Variants in RALGPS1 observed in about 807,000 individuals in gnomAD.
The protein encoded by RALGPS1 is Ral GEF with PH domain and SH3 binding motif 1, also known as ras-specific guanine nucleotide-releasing factor RalGPS1.
In RALGPS1, 19 loss-of-function variants were observed where a neutral mutation model predicts 78.8. The observed-to-expected ratio is 0.24, with a 90% CI of 0.17 to 0.35. The LOEUF (loss-of-function observed/expected upper bound fraction) is 0.35. Among genes scored for constraint, RALGPS1 ranks in the 10% least tolerant of loss-of-function variants. The pLI, the probability that RALGPS1 is intolerant of heterozygous loss-of-function variation, is 1.00. For synonymous variants in RALGPS1, 228 were observed against 256.3 expected (o/e 0.89, Z 1.06); for missense variants, 454 against 688.3 (o/e 0.66, Z 3.81).
intron 8 of RALGPS1, among the ~76,000 whole-genome samples, chr9:127,101,196 A>G (rs2053688689): frequency 6.6e-6 from 1 of 152,224 alleles, no homozygotes; most frequent in East Asian, 1.9e-4. Context: ...ATGATCATGT[A>G]TCTAGAGCCT....
At chr9:126,940,771 T>C (rs1361618885) in intron 1 of RALGPS1, among the ~76,000 whole-genome samples, 4 of 152,170 alleles carry the variant, frequency 2.6e-5, no homozygotes, top group East Asian at 3.9e-4. Flanking sequence ...ATTGAGTAGT[T>C]AGGTGATTGG....
intron 11 of RALGPS1, among the ~76,000 whole-genome samples, chr9:127,186,741 C>T (rs899722290): frequency 7.9e-5 from 12 of 152,212 alleles, no homozygotes; most frequent in African/African-American, 2.7e-4. Flanking sequence ...TGAAACGGTG[C>T]CCAGGGAGGC....
chr9:126,961,405 A>T (rs1413675465), intron 1 of RALGPS1, among the ~76,000 whole-genome samples: 1 of 152,202 alleles, frequency 6.6e-6, no homozygotes, highest in Non-Finnish European at 1.5e-5. Flanking sequence ...GGCATATGGT[A>T]CTATATGGGG....
intron 4 of RALGPS1, among the ~76,000 whole-genome samples, chr9:127,002,224 G>C (rs116736820): frequency 6.6e-6 from 1 of 152,050 alleles, no homozygotes; most frequent in Non-Finnish European, 1.5e-5. Context: ...CATAAAATAC[G>C]TACATTTTGT....
intron 5 of RALGPS1, among the ~76,000 whole-genome samples, chr9:127,042,645 C>T (rs1395964450): frequency 6.6e-6 from 1 of 152,188 alleles, no homozygotes; most frequent in Non-Finnish European, 1.5e-5. Flanking sequence ...TTCTGTACAA[C>T]ATCTTACTGC....
intron 18 of RALGPS1, chr9:127,216,929 A>G: frequency 1.3e-6 from 2 of 1,547,886 alleles, no homozygotes; most frequent in Non-Finnish European, 1.7e-6. Flanking sequence ...CTCCAGGTCC[A>G]ACAGGAACTG....
At chr9:127,088,720 A>C in intron 8 of RALGPS1, 2 of 597,896 alleles carry the variant, frequency 3.3e-6, no homozygotes, top group Middle Eastern at 4.5e-4. Flanking sequence ...TCCTGGAGAC[A>C]TGAGGGGCTG....
At chr9:126,942,050 A>C (rs1218098762) in intron 1 of RALGPS1, among the ~76,000 whole-genome samples, 1 of 152,194 alleles carries the variant, frequency 6.6e-6, no homozygotes, top group Non-Finnish European at 1.5e-5. Context: ...CCTGATGAGA[A>C]AGCTGAGGTT....
intron 18 of RALGPS1, chr9:127,217,006 TG>T (rs1400976681): frequency 2.0e-6 from 3 of 1,526,680 alleles, no homozygotes; most frequent in Non-Finnish European, 2.6e-6. Flanking sequence ...GCCTGAAGCC[TG>T]GGCACCATGG....
chr9:127,021,043 A>G (rs757453914), intron 4 of RALGPS1, among the ~76,000 whole-genome samples: 9 of 152,206 alleles, frequency 5.9e-5, no homozygotes, highest in Admixed American at 2.0e-4. Context: ...ATTATTATAA[A>G]CCAAAATGTA....
intron 1 of RALGPS1, among the ~76,000 whole-genome samples, chr9:126,955,582 G>T (rs907059871): frequency 4.0e-5 from 6 of 151,880 alleles, no homozygotes; most frequent in Non-Finnish European, 5.9e-5. Context: ...CTTACATAAA[G>T]AAATACATAT....
intron 8 of RALGPS1, among the ~76,000 whole-genome samples, chr9:127,099,728 G>A (rs1194123750): frequency 2.0e-5 from 3 of 152,250 alleles, no homozygotes; most frequent in African/African-American, 7.2e-5. Flanking sequence ...GCGAACCAGA[G>A]TACAAAACAA....
intron 4 of RALGPS1, among the ~76,000 whole-genome samples, chr9:127,006,990 ATT>A (rs2043897309): frequency 6.6e-6 from 1 of 152,184 alleles, no homozygotes. Context: ...CTCTGAAAAG[ATT>A]TTTAAAATTT....
intron 10 of RALGPS1, among the ~76,000 whole-genome samples, chr9:127,172,022 A>C (rs1157350127): frequency 6.6e-6 from 1 of 152,250 alleles, no homozygotes; most frequent in Non-Finnish European, 1.5e-5. Context: ...ATTTTTAAAC[A>C]GATTCAGTTT....
At chr9:127,037,612 C>T (rs748647599) in intron 5 of RALGPS1, among the ~76,000 whole-genome samples, 2 of 152,230 alleles carry the variant, frequency 1.3e-5, no homozygotes, top group African/African-American at 2.4e-5. Flanking sequence ...TTGCTCTCTC[C>T]ACCTCCAGGT....
chr9:127,053,947 A>G (rs957232215), intron 7 of RALGPS1, among the ~76,000 whole-genome samples: 1 of 152,078 alleles, frequency 6.6e-6, no homozygotes, highest in Non-Finnish European at 1.5e-5. Flanking sequence ...TCTCATATCA[A>G]CTCGGGGAGG....
rs530179604 is a variant in RALGPS1 at position 127,212,775 on chromosome 9, T to G, written c.1446+56T>G. 1.3e-4 allele frequency: 197 copies of G among 1,537,294 alleles called. No individual in the cohort carries two copies. The highest frequency in any genetic ancestry group is 1.7e-4 in the Non-Finnish European group (190 of 1,118,360). ...GACTTCCTCTAGTGGGGAAGGGACC[T>G]CTGTGAACTGTGGAGGATGGGGGTG... is the stretch of plus-strand genomic sequence containing the variant. On this transcript the variant is annotated intron_variant, in intron 16 of 18. Transcript: ENST00000259351. The surrounding 1 kb of genome is among the most constrained non-coding windows in gnomAD (Gnocchi z 6.0).
intron 8 of RALGPS1, among the ~76,000 whole-genome samples, chr9:127,081,160 C>T (rs965590232): frequency 6.6e-6 from 1 of 152,140 alleles, no homozygotes; most frequent in Non-Finnish European, 1.5e-5. Context: ...CCTATTTTTT[C>T]CACTCTTACC....
intron 6 of RALGPS1, among the ~76,000 whole-genome samples, chr9:127,050,480 T>C (rs562658507): frequency 6.6e-6 from 1 of 152,348 alleles, no homozygotes; most frequent in South Asian, 2.1e-4. Context: ...ATTTAGCCAG[T>C]TCTGGGGGTT....
Sources: allele counts gnomAD v4.1 joint callset (sites outside exome capture counted in the v4.1 genomes callset), GRCh38; gene constraint gnomAD v4.1.1; non-coding constraint Gnocchi (gnomAD v3.1); transcripts MANE v1.5; gene names NCBI Gene and HGNC (gene_info 2026-07-23, HGNC 2026-07-21).